MINDY2: variants seen among roughly 807,000 people sequenced by gnomAD.
MINDY2 encodes the protein MINDY lysine 48 deubiquitinase 2.
MINDY2 carries 52 observed loss-of-function variants against 68.2 expected under a neutral mutation model. The ratio of observed to expected loss-of-function variants is 0.76; its 90% CI spans 0.61 to 0.96. The LOEUF (loss-of-function observed/expected upper bound fraction) is 0.96. Among genes scored for constraint, MINDY2 ranks in the 40% least tolerant of loss-of-function variants. MINDY2 has a pLI of 0.00. For synonymous variants in MINDY2, 372 were observed against 303.0 expected (o/e 1.23, Z -2.36); for missense variants, 881 against 773.4 (o/e 1.14, Z -1.65).
intron 7 of MINDY2, 57 bp from the exon 8 acceptor site, chr15:58,851,714 T>C: frequency 7.7e-7 from 1 of 1,294,250 alleles, no homozygotes; most frequent in Non-Finnish European, 1.1e-6. Flanking sequence ...GTATTTGCAG[T>C]CATTCATTCT....
chr15:58,774,441 G>A (rs570064383), intron 1 of MINDY2, among the ~76,000 whole-genome samples: 3 of 143,342 alleles, frequency 2.1e-5, no homozygotes, highest in East Asian at 2.1e-4. Flanking sequence ...CCGAGATCAC[G>A]CCACTGCACT....
intron 1 of MINDY2, among the ~76,000 whole-genome samples, chr15:58,775,630 A>G (rs1352345933): frequency 4.6e-5 from 7 of 152,182 alleles, no homozygotes; most frequent in Non-Finnish European, 8.8e-5. Flanking sequence ...ACTTCTCCCA[A>G]TGATGACTAT....
intron 6 of MINDY2, among the ~76,000 whole-genome samples, chr15:58,832,667 A>G (rs1320611206): frequency 1.3e-5 from 2 of 151,280 alleles, no homozygotes; most frequent in Non-Finnish European, 2.9e-5. Flanking sequence ...AGCTGGGATT[A>G]TAGGTATGCG....
chr15:58,782,581 C>T (rs577426744), intron 1 of MINDY2, among the ~76,000 whole-genome samples: 1 of 152,218 alleles, frequency 6.6e-6, no homozygotes, highest in Non-Finnish European at 1.5e-5. Context: ...CTTTCCTCAT[C>T]GTGCTTCACT....
rs1000347283 is a variant in MINDY2 at position 58,859,451 on chromosome 15, T to G, written c.*4841T>G. The G allele has an allele frequency of 6.6e-6, 1 of 152,186 alleles. No homozygotes were observed. The highest frequency in any genetic ancestry group is 2.1e-4 in the South Asian group (1 of 4,826). 9.4% of individuals were successfully genotyped at this position (152,186 alleles called of 1,614,324 possible). A position where few individuals can be genotyped will look rare whatever the true frequency, so the allele number is the denominator to read the frequency against. ...TGATAATGTGAAGTTAAATCCCTTT[T>G]AGAAAGTGACTGAAAATGGTAAAGG... On this transcript the variant is annotated 3_prime_UTR_variant, in exon 9 of 9. Coordinates refer to ENST00000559228, the MANE Select transcript of MINDY2 (RefSeq NM_001040450.3).
At position 58,772,145 on chromosome 15, in the gene MINDY2, G is replaced by A; in HGVS notation, c.750G>A (p.Trp250Ter). The A allele has an allele frequency of 1.2e-6, 2 of 1,614,114 alleles. No individual in the cohort carries two copies. The highest frequency in any genetic ancestry group is 1.7e-6 in the Non-Finnish European group (2 of 1,180,036). ...QSVYHIKWIQ[W>*]KEENTPIITQ... is the part of the protein sequence containing the mutation. ...TGTATCACATCAAGTGGATCCAGTGGAAGGAAGAGAACACACCCATCATCA... is the reference window on the plus strand; with the variant it reads ...TGTATCACATCAAGTGGATCCAGTGAAAGGAAGAGAACACACCCATCATCA... Residue 250 changes from tryptophan (W) to a stop codon, truncating the protein, a stop_gained, in exon 1 of 9, where the codon TGG (tryptophan) becomes TGA (stop). Transcript: ENST00000559228. LOFTEE classifies it high-confidence loss of function.
At chr15:58,775,126 A>G (rs1458203822) in intron 1 of MINDY2, among the ~76,000 whole-genome samples, 1 of 152,216 alleles carries the variant, frequency 6.6e-6, no homozygotes, top group Non-Finnish European at 1.5e-5. Context: ...CTCTCTTACA[A>G]GTGTCCGTGG....
intron 4 of MINDY2, among the ~76,000 whole-genome samples, chr15:58,818,400 C>T (rs1271759513): frequency 6.6e-6 from 1 of 152,054 alleles, no homozygotes; most frequent in Non-Finnish European, 1.5e-5. Flanking sequence ...GGACTATAGG[C>T]ACACACTCCC....
intron 1 of MINDY2, among the ~76,000 whole-genome samples, chr15:58,787,631 G>C (rs750754829): frequency 2.6e-5 from 4 of 151,522 alleles, no homozygotes; most frequent in Non-Finnish European, 5.9e-5. Context: ...CAGCTACTCG[G>C]AAGGCTGAGG....
chr15:58,851,414 A>G (rs1179353515), intron 7 of MINDY2, among the ~76,000 whole-genome samples: 1 of 151,924 alleles, frequency 6.6e-6, no homozygotes, highest in African/African-American at 2.4e-5. Context: ...GTTATTTTAT[A>G]TTGTTTTCTT....
intron 4 of MINDY2, among the ~76,000 whole-genome samples, chr15:58,821,299 G>T: frequency 6.7e-6 from 1 of 149,552 alleles, no homozygotes. Flanking sequence ...AAGTTGCCTT[G>T]CTTTAAATGT....
intron 5 of MINDY2, among the ~76,000 whole-genome samples, chr15:58,826,225 CTTTTTTTTTTT>C (rs34666834): frequency 1.0e-5 from 1 of 98,184 alleles, no homozygotes; most frequent in African/African-American, 4.1e-5. Context: ...TTCACACAAT[CTTTTTTTTTTT>C]TTTTTTTTTT....
intron 7 of MINDY2, among the ~76,000 whole-genome samples, chr15:58,850,080 A>G (rs1394850868): frequency 6.6e-6 from 1 of 152,164 alleles, no homozygotes; most frequent in Non-Finnish European, 1.5e-5. Context: ...ATTTAAAATT[A>G]TCTTATTTTG....
chr15:58,816,959 G>C (rs1011134994), intron 4 of MINDY2, among the ~76,000 whole-genome samples: 1 of 151,820 alleles, frequency 6.6e-6, no homozygotes, highest in African/African-American at 2.4e-5. Flanking sequence ...CTAAGGTCCT[G>C]GCTCTACAAA....
intron 8 of MINDY2, among the ~76,000 whole-genome samples, chr15:58,852,844 C>G (rs7180252): frequency 2.0e-4 from 29 of 142,090 alleles, no homozygotes; most frequent in African/African-American, 7.6e-4. Context: ...TGGTGGGATT[C>G]TACATGTTAA....
intron 5 of MINDY2, among the ~76,000 whole-genome samples, chr15:58,826,769 A>G (rs1036582765): frequency 3.5e-4 from 54 of 152,206 alleles, no homozygotes; most frequent in African/African-American, 1.2e-3. Flanking sequence ...ATTTTTTTCA[A>G]TGGAGGCTCC....
At chr15:58,801,035 G>C (rs1354166565) in intron 2 of MINDY2, among the ~76,000 whole-genome samples, 1 of 151,904 alleles carries the variant, frequency 6.6e-6, no homozygotes, top group Non-Finnish European at 1.5e-5. Context: ...GTACAGTGGC[G>C]TGATCTTGGC....
chr15:58,856,040 TA>T lies in MINDY2; in HGVS notation c.*1431del, dbSNP rs1473786413. 3 of 152,656 alleles carry T rather than the reference TA, an allele frequency of 2.0e-5. No homozygotes were observed. The highest frequency in any genetic ancestry group is 7.2e-5 in the African/African-American group (3 of 41,454). The allele number at this position is 152,656 out of a possible 1,614,324, so 9.5% of individuals were successfully genotyped here. A position where few individuals can be genotyped will look rare whatever the true frequency, so the allele number is the denominator to read the frequency against. On this transcript the variant is annotated 3_prime_UTR_variant, in exon 9 of 9. Coordinates refer to ENST00000559228, the MANE Select transcript of MINDY2 (RefSeq NM_001040450.3). ...TTTATAAGAACTCAGAAATAATATT[TA>T]TTTAACTTTATTATGAGGCCACACA...
rs1450808075 is a variant in MINDY2 at position 58,854,637 on chromosome 15, CTA to C, written c.*31_*32del. The C allele has an allele frequency of 6.3e-7, 1 of 1,586,886 alleles. No homozygotes were observed. Among genetic ancestry groups the C allele is most frequent in the Non-Finnish European group, 8.5e-7 (1 of 1,173,198 alleles). ...AAGTGTTGGCTTCTGTTGGAACCACCTATATGTCTTGAGAAACAAAACCACAG... is the reference window on the plus strand; with the variant it reads ...AAGTGTTGGCTTCTGTTGGAACCACCTATGTCTTGAGAAACAAAACCACAG... On this transcript the variant is annotated 3_prime_UTR_variant, in exon 9 of 9. Transcript: ENST00000559228.
Sources: gnomAD v4.1 joint callset for allele counts (sites outside exome capture counted in the v4.1 genomes callset) on GRCh38, gnomAD v4.1.1 for gene constraint, MANE v1.5 for transcripts, NCBI Gene and HGNC (gene_info 2026-07-23, HGNC 2026-07-21) for gene names.